IQSEC1: variants seen among roughly 807,000 people sequenced by gnomAD.
The protein encoded by IQSEC1 is IQ motif and Sec7 domain ArfGEF 1.
IQSEC1 carries 31 observed loss-of-function variants against 91.0 expected under a neutral mutation model. The observed-to-expected ratio is 0.34, with a 90% CI of 0.26 to 0.46. The LOEUF is 0.46. IQSEC1 is among the 20% of genes least tolerant of loss of function. The probability of loss-of-function intolerance (pLI) is 1.00; values close to 1 mark genes in which losing one functional copy is unlikely to be tolerated. For synonymous variants in IQSEC1, 699 were observed against 662.6 expected, an observed-to-expected ratio of 1.05 and a Z score of -0.84; for missense variants, 1,388 against 1,575.6, an observed-to-expected ratio of 0.88 and a Z score of 2.02.
At chr3:13,095,515 C>T (rs1221525348) in intron 2 of IQSEC1, among the ~76,000 whole-genome samples, 1 of 152,120 alleles carries the variant, frequency 6.6e-6, no homozygotes, top group African/African-American at 2.4e-5. Flanking sequence ...GCATACCCAG[C>T]GCCTCCTCAG....
At chr3:13,249,332 C>T (rs1257681314) in intron 1 of IQSEC1, among the ~76,000 whole-genome samples, 7 of 151,826 alleles carry the variant, frequency 4.6e-5, no homozygotes, top group African/African-American at 1.2e-4. Context: ...CCAGCACGCC[C>T]GGCTAATTTT....
chr3:13,091,930 C>T (rs868016076), intron 2 of IQSEC1, among the ~76,000 whole-genome samples: 1 of 116,524 alleles, frequency 8.6e-6, no homozygotes, highest in African/African-American at 3.3e-5. Flanking sequence ...TGGGTGGGGT[C>T]GGGGTGGGCA....
chr3:13,062,227 A>T (rs1272915908), intron 1 of IQSEC1, among the ~76,000 whole-genome samples: 2 of 151,922 alleles, frequency 1.3e-5, no homozygotes. Context: ...CCCTTCCCAG[A>T]TGTTCACATT....
At chr3:13,268,386 A>T (rs1304106365) in intron 1 of IQSEC1, among the ~76,000 whole-genome samples, 1 of 152,246 alleles carries the variant, frequency 6.6e-6, no homozygotes, top group African/African-American at 2.4e-5. Context: ...TGCTTAATAC[A>T]TACTTACTTC....
intron 1 of IQSEC1, among the ~76,000 whole-genome samples, chr3:13,196,749 CGTGTGTGT>C (rs5846802): frequency 0.079 from 11,694 of 148,420 alleles, 532 homozygotes; most frequent in African/African-American, 0.12. Flanking sequence ...CATGTGTGTG[CGTGTGTGT>C]GTGTGTGTGT....
intron 2 of IQSEC1, among the ~76,000 whole-genome samples, chr3:13,133,304 T>C (rs1366515950): frequency 6.6e-6 from 1 of 152,222 alleles, no homozygotes; most frequent in African/African-American, 2.4e-5. Context: ...GGATGATCTC[T>C]TGGTTCTCTT....
intron 13 of IQSEC1, 72 bp downstream of exon 13, chr3:12,902,701 C>CAAAAAA: frequency 8.0e-6 from 4 of 497,544 alleles, no homozygotes; most frequent in South Asian, 4.6e-5. Context: ...AAAACCAGGA[C>CAAAAAA]AACAGATATG....
At chr3:13,091,463 T>TGACTTG (rs1420302825) in intron 2 of IQSEC1, among the ~76,000 whole-genome samples, 3 of 152,256 alleles carry the variant, frequency 2.0e-5, no homozygotes, top group African/African-American at 7.2e-5. Context: ...GCTGGGCCTT[T>TGACTTG]GACTTGGGCT....
chr3:13,002,050 G>A lies in IQSEC1; in HGVS notation c.24-60185C>T, dbSNP rs149378751. ...ATCTAGGCACTGTGCTCTAGCCTGG[G>A]TGACAGAACAAGACTCCATCTGGAA... On this transcript the variant is annotated intron_variant, in intron 1 of 13. Coordinates refer to ENST00000613206, the MANE Select transcript of IQSEC1 (RefSeq NM_001134382.3). Among the ~76,000 whole-genome samples, 315 of 152,212 alleles carry A rather than the reference G, an allele frequency of 2.1e-3. 1 individual carries two copies. Among genetic ancestry groups the A allele is most frequent in the South Asian group, 4.6e-3 (22 of 4,822 alleles).
rs1004800033 is a variant in IQSEC1, at chr3:13,193,195, T to G, written c.273-29062A>C. 8.5e-5 allele frequency among the ~76,000 whole-genome samples: 13 copies of G among 152,340 alleles called. No individual in the cohort carries two copies. The highest frequency in any genetic ancestry group is 2.9e-4 in the African/African-American group (12 of 41,584). Reference sequence around the variant, plus strand: ...AGAGCCTGCCCCATTCCCCGGACTCTCATGGGCATCTCTGCTCCCTGTCGC... The same window carrying G: ...AGAGCCTGCCCCATTCCCCGGACTCGCATGGGCATCTCTGCTCCCTGTCGC... On this transcript the variant is annotated intron_variant, in intron 1 of 15. Transcript: ENST00000648114. The surrounding 1 kb of genome is among the most constrained non-coding windows in gnomAD (Gnocchi z 4.2).
chr3:13,019,565 G>A (rs1267587748), intron 1 of IQSEC1, among the ~76,000 whole-genome samples: 1 of 152,258 alleles, frequency 6.6e-6, no homozygotes, highest in Non-Finnish European at 1.5e-5. Flanking sequence ...GCTCCTGGCT[G>A]GCTGGCTGGT....
At chr3:13,138,261 A>C (rs1003455965) in intron 2 of IQSEC1, among the ~76,000 whole-genome samples, 2 of 151,948 alleles carry the variant, frequency 1.3e-5, no homozygotes, top group African/African-American at 4.8e-5. Flanking sequence ...TCGACGAGAC[A>C]AGGCACTCTA....
intron 13 of IQSEC1, 130 bp downstream of exon 13, chr3:12,902,643 C>CAA (rs369432677): frequency 1.8e-4 from 55 of 305,228 alleles, no homozygotes; most frequent in Middle Eastern, 7.8e-4. Context: ...AAGGAAAAGC[C>CAA]AAAAAAAAAA....
chr3:12,999,584 G>A (rs780157855), intron 1 of IQSEC1, among the ~76,000 whole-genome samples: 7 of 152,162 alleles, frequency 4.6e-5, no homozygotes, highest in Non-Finnish European at 7.3e-5. Flanking sequence ...GGAACAAAGC[G>A]TCATGTTGGG....
chr3:12,987,476 A>G (rs1701798999), intron 1 of IQSEC1, among the ~76,000 whole-genome samples: 1 of 152,256 alleles, frequency 6.6e-6, no homozygotes, highest in Admixed American at 6.5e-5. Context: ...ATGAAAATCT[A>G]TTCCAGGTGG....
rs115318220 is a variant in IQSEC1 at position 13,140,656 on chromosome 3, A to G, written c.302+23448T>C. ...TGCCCAGACAGAGATGGGGCAATAA[A>G]CAAGAGCTGAGAGACCATGCGCGCC... is the stretch of plus-strand genomic sequence containing the variant. On this transcript the variant is annotated intron_variant, in intron 2 of 15. Coordinates refer to the IQSEC1 transcript ENST00000648114. 3.1e-3 allele frequency among the ~76,000 whole-genome samples: 467 copies of G among 152,284 alleles called. 3 individuals are homozygous for G. Among genetic ancestry groups the G allele is most frequent in the South Asian group, 0.016 (79 of 4,820 alleles).
chr3:12,907,408 G>A (rs1695097195), intron 12 of IQSEC1, among the ~76,000 whole-genome samples: 1 of 152,220 alleles, frequency 6.6e-6, no homozygotes, highest in Non-Finnish European at 1.5e-5. Context: ...AGGCACACCA[G>A]GCTCCTGGGG....
chr3:13,163,163 G>C (rs1013441840), intron 2 of IQSEC1, among the ~76,000 whole-genome samples: 5 of 152,052 alleles, frequency 3.3e-5, no homozygotes, highest in Admixed American at 3.3e-4. Flanking sequence ...AGCACCCCCT[G>C]TGCTGCCACC....
At chr3:12,973,336 G>T (rs928948695) in intron 1 of IQSEC1, among the ~76,000 whole-genome samples, 1 of 152,304 alleles carries the variant, frequency 6.6e-6, no homozygotes, top group Non-Finnish European at 1.5e-5. Flanking sequence ...TGCTTCATTT[G>T]ATTGGCAATC....
Sources: gnomAD v4.1 joint callset for allele counts (sites outside exome capture counted in the v4.1 genomes callset) on GRCh38, gnomAD v4.1.1 for gene constraint, Gnocchi (gnomAD v3.1) non-coding constraint, MANE v1.5 for transcripts, NCBI Gene and HGNC (gene_info 2026-07-23, HGNC 2026-07-21) for gene names.